The following TRAPPC11 variants were observed in gnomAD, a reference collection of about 807,000 sequenced individuals.
The protein encoded by TRAPPC11 is foie gras homolog.
TRAPPC11 carries 104 observed loss-of-function variants against 151.2 expected under a neutral mutation model. The observed-to-expected ratio is 0.69, with a 90% confidence interval of 0.59 to 0.81. The LOEUF is 0.81. Among genes scored for constraint, TRAPPC11 ranks in the 30% least tolerant of loss-of-function variants. The pLI is 0.00. For synonymous variants in TRAPPC11, 456 were observed against 472.3 expected, an observed-to-expected ratio of 0.97 and a Z score of 0.45; for missense variants, 1,230 against 1,349.6, an observed-to-expected ratio of 0.91 and a Z score of 1.39.
At chr4:183,674,237 G>A (rs959255074) in intron 5 of TRAPPC11, among the ~76,000 whole-genome samples, 1 of 151,890 alleles carries the variant, frequency 6.6e-6, no homozygotes, top group African/African-American at 2.4e-5. Context: ...GGCCAACATG[G>A]TAAAACCTCA....
chr4:183,696,069 A>G (rs950673894), intron 23 of TRAPPC11, among the ~76,000 whole-genome samples: 1 of 152,196 alleles, frequency 6.6e-6, no homozygotes, highest in Non-Finnish European at 1.5e-5. Context: ...TGCCAGCATG[A>G]CACTCAAAGG....
intron 1 of TRAPPC11, among the ~76,000 whole-genome samples, chr4:183,660,667 C>G (rs56246718): frequency 0.19 from 29,600 of 152,078 alleles, 3,150 homozygotes; most frequent in South Asian, 0.36. Context: ...CTAGTCTAGA[C>G]TCGTTCATAT....
chr4:183,660,693 G>A (rs147475825), intron 1 of TRAPPC11, among the ~76,000 whole-genome samples: 31 of 152,086 alleles, frequency 2.0e-4, no homozygotes, highest in African/African-American at 7.5e-4. Context: ...AAAGGGGCCC[G>A]TATTGTATTT....
intron 1 of TRAPPC11, among the ~76,000 whole-genome samples, chr4:183,662,138 G>A (rs898641164): frequency 1.3e-5 from 2 of 151,742 alleles, no homozygotes; most frequent in African/African-American, 4.8e-5. Flanking sequence ...GCTGGCAATC[G>A]CCTGAGGTCA....
rs138061469 is a variant in TRAPPC11, at chr4:183,669,725, G to A, written c.560+1608G>A. ...GGGATGTTGCCACACACTCTACAGC[G>A]TACAGGACAGCCCTGCACAACAAGG... is the stretch of plus-strand genomic sequence containing the variant. On this transcript the variant is annotated intron_variant, in intron 5 of 29. Coordinates refer to ENST00000334690, the MANE Select transcript of TRAPPC11 (RefSeq NM_021942.6). Among the ~76,000 whole-genome samples, 18 of 152,278 alleles carry A rather than the reference G, an allele frequency of 1.2e-4. No homozygotes were observed. In the East Asian group the frequency reaches 2.5e-3, roughly 21 times the overall value.
Position 183,704,758 on chromosome 4 carries a change from A to G in TRAPPC11, c.2964-221A>G, listed in dbSNP as rs111375632. 1.2e-3 allele frequency among the ~76,000 whole-genome samples: 178 copies of G among 152,240 alleles called. 1 individual carries two copies. Among genetic ancestry groups the G allele is most frequent in the African/African-American group, 4.1e-3 (171 of 41,544 alleles). Reference sequence around the variant, plus strand: ...AACCTGGGAGGCAGAGCTTGCAGTGAGCCGAGATCGCGCCACTGCACTCCA... The same window carrying G: ...AACCTGGGAGGCAGAGCTTGCAGTGGGCCGAGATCGCGCCACTGCACTCCA... On this transcript the variant is annotated intron_variant, in intron 26 of 29. Coordinates refer to ENST00000334690, the MANE Select transcript of TRAPPC11 (RefSeq NM_021942.6).
chr4:183,686,839 T>G (rs1406408157), intron 18 of TRAPPC11, 91 bp downstream of exon 18: 2 of 1,424,340 alleles, frequency 1.4e-6, no homozygotes, highest in African/African-American at 2.9e-5. Flanking sequence ...ATTTTATGTC[T>G]TAATGGTTTC....
At chr4:183,661,618 G>A (rs1023300019) in intron 1 of TRAPPC11, among the ~76,000 whole-genome samples, 2 of 151,802 alleles carry the variant, frequency 1.3e-5, no homozygotes, top group Non-Finnish European at 2.9e-5. Context: ...TGATCCGCCC[G>A]CCTCGGCCTC....
chr4:183,666,995 TG>T (rs1286603667), intron 3 of TRAPPC11, 64 bp from the exon 4 acceptor site: 7 of 1,343,448 alleles, frequency 5.2e-6, no homozygotes, highest in Non-Finnish European at 7.2e-6. Flanking sequence ...TTGTATTTTA[TG>T]TGAAGTCATG....
rs1352621934 is a variant in TRAPPC11, at chr4:183,701,402, A to G, written c.2852-295A>G. ...TGGAAAAAGAAAAACAATCACCGTA[A>G]GATATTGATTCTGTCTCTAAGCTTT... On this transcript the variant is annotated intron_variant, in intron 25 of 29. Transcript: ENST00000334690. 3 of 243,590 alleles carry G rather than the reference A, an allele frequency of 1.2e-5. No homozygotes were observed. In the East Asian group the frequency reaches 2.5e-4, roughly 20 times the overall value. 15.1% of individuals were successfully genotyped at this position (243,590 alleles called of 1,614,324 possible). A position where few individuals can be genotyped will look rare whatever the true frequency, so the allele number is the denominator to read the frequency against.
In TRAPPC11 at chr4:183,684,779, G is replaced by A; in HGVS notation, c.1505G>A (p.Cys502Tyr). The change falls in exon 15 of 30, where the codon TGC becomes TAC. Residue 502 changes from cysteine to tyrosine, a missense_variant. Physicochemically the swap from Cys to Tyr is radical, Grantham distance 194. Coordinates refer to ENST00000334690, the MANE Select transcript of TRAPPC11 (RefSeq NM_021942.6). ...LTSVLTTALKCSYLMAQLKDY... is the reference protein window; with the variant it reads ...LTSVLTTALKYSYLMAQLKDY... Reference sequence around the variant, plus strand: ...TCTGTATTAACTACAGCTCTGAAGTGCTCCTACCTCATGGCCCAATTAAAG... The same window carrying A: ...TCTGTATTAACTACAGCTCTGAAGTACTCCTACCTCATGGCCCAATTAAAG... The A allele has an allele frequency of 6.2e-7, 1 of 1,613,812 alleles. No individual in the cohort carries two copies. The highest frequency in any genetic ancestry group is 8.5e-7 in the Non-Finnish European group (1 of 1,179,800).
chr4:183,708,323 T>C (rs1561066312), intron 28 of TRAPPC11, 84 bp from the exon 29 acceptor site: 3 of 1,392,838 alleles, frequency 2.2e-6, no homozygotes, highest in East Asian at 4.7e-5. Context: ...ATCCAATCTT[T>C]TGTAAATAAT....
intron 1 of TRAPPC11, among the ~76,000 whole-genome samples, chr4:183,662,096 T>C (rs1734582106): frequency 6.6e-6 from 1 of 152,026 alleles, no homozygotes. Flanking sequence ...GTATAGATTA[T>C]CTTTTAAAAG....
chr4:183,692,710 A>G (rs1736313909), intron 19 of TRAPPC11, among the ~76,000 whole-genome samples: 1 of 152,196 alleles, frequency 6.6e-6, no homozygotes, highest in African/African-American at 2.4e-5. Flanking sequence ...CTACTGTGCA[A>G]TCAGCCTGTC....
chr4:183,709,252 C>A, intron 29 of TRAPPC11, among the ~76,000 whole-genome samples: 1 of 152,288 alleles, frequency 6.6e-6, no homozygotes, highest in South Asian at 2.1e-4. Flanking sequence ...TTTCTACCCT[C>A]ATTTGGAATG....
At position 183,684,814 on chromosome 4, in the gene TRAPPC11, A is replaced by G. The variant is rs1307542059; in HGVS notation, c.1540A>G (p.Thr514Ala). ...YLMAQLKDYITYSLELLGRAS... is the reference protein window; with the variant it reads ...YLMAQLKDYIAYSLELLGRAS... ...CATGGCCCAATTAAAGGATTACATT[A>G]CTTACTCCCTAGAACTCCTTGGTAG... Residue 514 changes from threonine (T) to alanine (A), a missense_variant, in exon 15 of 30, where the codon ACT becomes GCT. By Grantham distance (58) the Thr-to-Ala change is moderately conservative. Transcript: ENST00000334690. 2 of 1,613,690 alleles carry G rather than the reference A, an allele frequency of 1.2e-6. No individual in the cohort carries two copies. The highest frequency in any genetic ancestry group is 1.7e-6 in the Non-Finnish European group (2 of 1,179,794).
At position 183,684,071 on chromosome 4, in the gene TRAPPC11, A is replaced by T; in HGVS notation, c.1287+17A>T. ...GTTCACTCTGTAAGTTTTGTGTCCA[A>T]TATAAACTATTTTTTACACTATTTA... On this transcript the variant is annotated intron_variant, in intron 12 of 29. Coordinates refer to ENST00000334690, the MANE Select transcript of TRAPPC11 (RefSeq NM_021942.6). 1.2e-6 allele frequency: 2 copies of T among 1,611,868 alleles called. No individual in the cohort carries two copies. Among genetic ancestry groups the T allele is most frequent in the Non-Finnish European group, 1.7e-6 (2 of 1,178,130 alleles).
At chr4:183,693,219 A>G in intron 20 of TRAPPC11, 72 bp downstream of exon 20, 1 of 1,399,130 alleles carries the variant, frequency 7.1e-7, no homozygotes, top group Non-Finnish European at 9.6e-7. Context: ...TTGGAGACAG[A>G]GTCTCTCTCT....
At chr4:183,700,053 C>G (rs1308824374) in intron 25 of TRAPPC11, among the ~76,000 whole-genome samples, 1 of 152,146 alleles carries the variant, frequency 6.6e-6, no homozygotes, top group Non-Finnish European at 1.5e-5. Context: ...ACCGCGTGAT[C>G]TGCTCATCTC....
Sources: allele counts gnomAD v4.1 joint callset (sites outside exome capture counted in the v4.1 genomes callset), GRCh38; gene constraint gnomAD v4.1.1; transcripts MANE v1.5; gene names NCBI Gene and HGNC (gene_info 2026-07-23, HGNC 2026-07-21).